Variants in PRRX1 observed in about 807,000 individuals in gnomAD.
PRRX1 encodes paired mesoderm homeobox protein 1.
PRRX1 carries 8 observed loss-of-function variants against 24.0 expected under a neutral mutation model. The observed-to-expected ratio is 0.33, with a 90% CI of 0.20 to 0.60. The LOEUF (loss-of-function observed/expected upper bound fraction) is 0.60, where lower values mean the gene tolerates loss of function less well. Ranked by LOEUF, PRRX1 falls within the 20% of genes least tolerant of loss-of-function variation. The pLI is 0.82. For missense variants in PRRX1, 281 were observed against 322.4 expected (o/e 0.87, Z 0.98); for synonymous variants, 160 against 131.7 (o/e 1.22, Z -1.47).
chr1:170,717,740 G>C (rs1654953551), intron 1 of PRRX1, among the ~76,000 whole-genome samples: 2 of 152,058 alleles, frequency 1.3e-5, no homozygotes, highest in Non-Finnish European at 2.9e-5. Context: ...AGGAATGGGA[G>C]GAATGCTTCC....
intron 1 of PRRX1, among the ~76,000 whole-genome samples, chr1:170,716,539 G>A (rs1426759410): frequency 1.1e-4 from 16 of 150,854 alleles, no homozygotes; most frequent in African/African-American, 1.5e-4. Context: ...AGCCAAGATC[G>A]CGCCACTGCA....
chr1:170,688,935 T>C (rs192840031), intron 1 of PRRX1, among the ~76,000 whole-genome samples: 339 of 152,276 alleles, frequency 2.2e-3, no homozygotes, highest in Non-Finnish European at 3.5e-3. Context: ...TTTTGGTTTT[T>C]AGTTCTGTGA....
rs1655249530 is a variant in PRRX1 at position 170,726,277 on chromosome 1, A to G, written c.475A>G (p.Asn159Asp). Residue 159 changes from asparagine to aspartate, a missense_variant, in exon 3 of 4, where the codon AAT becomes GAT. By Grantham distance (23) the Asn-to-Asp change is conservative. Coordinates refer to ENST00000239461, the MANE Select transcript of PRRX1 (RefSeq NM_022716.4). ...CAGGAATGAGAGAGCCATGCTAGCC[A>G]ATAAAAACGCTTCCCTCCTCAAATC... Reference protein sequence around the residue: ...FRRNERAMLANKNASLLKSYS... With the variant: ...FRRNERAMLADKNASLLKSYS... The G allele has an allele frequency of 2.5e-6, 4 of 1,614,084 alleles. No individual in the cohort carries two copies. The highest frequency in any genetic ancestry group is 2.2e-5 in the East Asian group (1 of 44,874).
chr1:170,691,273 A>G (rs2101898096), intron 1 of PRRX1, among the ~76,000 whole-genome samples: 1 of 152,272 alleles, frequency 6.6e-6, no homozygotes, highest in East Asian at 1.9e-4. Flanking sequence ...TTATTAGCCA[A>G]CCAGAGAGTG....
At chr1:170,670,769 T>C (rs1021151984) in intron 1 of PRRX1, among the ~76,000 whole-genome samples, 6 of 152,046 alleles carry the variant, frequency 3.9e-5, no homozygotes, top group African/African-American at 1.4e-4. Context: ...TGGTGGTTGG[T>C]TAAGGAAATT....
At position 170,738,455 on chromosome 1, in the gene PRRX1, A is replaced by G. The variant is rs948504495; in HGVS notation, c.*2269A>G. 8.8e-6 allele frequency: 2 copies of G among 228,078 alleles called. No homozygotes were observed. The highest frequency in any genetic ancestry group is 4.4e-5 in the African/African-American group (2 of 45,076). 14.1% of individuals were successfully genotyped at this position (228,078 alleles called of 1,614,324 possible). ...TAAAACATTTCTTACTGAATGGTTC[A>G]TGTAGGCTTGCTGAACAGCACGCAT... On this transcript the variant is annotated 3_prime_UTR_variant, in exon 4 of 4. Coordinates refer to ENST00000239461, the MANE Select transcript of PRRX1 (RefSeq NM_022716.4).
At chr1:170,693,458 A>T (rs551890486) in intron 1 of PRRX1, among the ~76,000 whole-genome samples, 10 of 152,148 alleles carry the variant, frequency 6.6e-5, no homozygotes, top group Admixed American at 3.9e-4. Flanking sequence ...AGGATATTTG[A>T]TATGGCAGTA....
intron 2 of PRRX1, among the ~76,000 whole-genome samples, chr1:170,721,919 G>T (rs1655097696): frequency 6.6e-6 from 1 of 151,550 alleles, no homozygotes; most frequent in Admixed American, 6.6e-5. Context: ...TGCCACTTTT[G>T]CTATGGTGAT....
chr1:170,698,608 C>T (rs993123628), intron 1 of PRRX1, among the ~76,000 whole-genome samples: 3 of 152,086 alleles, frequency 2.0e-5, no homozygotes, highest in African/African-American at 4.8e-5. Context: ...GGAGTAACAC[C>T]GTATTATTTC....
In PRRX1 at chr1:170,667,175, A is replaced by G. The variant is rs569911247; in HGVS notation, c.241+2716A>G. Among the ~76,000 whole-genome samples, 5 of 152,266 alleles carry G rather than the reference A, an allele frequency of 3.3e-5. No individual in the cohort carries two copies. The South Asian group carries it at 8.3e-4, about 25-fold the overall frequency. ...AGAAAGGAAACTGAGGCTCAGAAAG[A>G]GGATGCTCTGCGGAAGCATGATCAA... On this transcript the variant is annotated intron_variant, in intron 1 of 3. Transcript: ENST00000239461.
At chr1:170,678,029 G>A (rs1653381560) in intron 1 of PRRX1, among the ~76,000 whole-genome samples, 1 of 152,114 alleles carries the variant, frequency 6.6e-6, no homozygotes, top group South Asian at 2.1e-4. Flanking sequence ...CTCTAACATA[G>A]CACTGCCTTA....
At chr1:170,678,764 T>A (rs182263841) in intron 1 of PRRX1, among the ~76,000 whole-genome samples, 42 of 152,314 alleles carry the variant, frequency 2.8e-4, no homozygotes, top group Non-Finnish European at 1.3e-4. Flanking sequence ...GCAGTTCATG[T>A]CTAATAATTT....
chr1:170,704,523 C>T (rs898674321), intron 1 of PRRX1, among the ~76,000 whole-genome samples: 3 of 152,144 alleles, frequency 2.0e-5, no homozygotes, highest in Non-Finnish European at 4.4e-5. Flanking sequence ...CTGCAGTCAT[C>T]GTATAGGCCT....
intron 1 of PRRX1, among the ~76,000 whole-genome samples, chr1:170,692,007 A>G (rs1653999164): frequency 6.6e-6 from 1 of 152,104 alleles, no homozygotes; most frequent in Non-Finnish European, 1.5e-5. Context: ...TGAGGAATAC[A>G]AAGCTCCCTG....
At chr1:170,698,049 A>T (rs1352021949) in intron 1 of PRRX1, among the ~76,000 whole-genome samples, 1 of 151,904 alleles carries the variant, frequency 6.6e-6, no homozygotes, top group Non-Finnish European at 1.5e-5. Flanking sequence ...TATGAGCCAA[A>T]TCTTATGTAA....
chr1:170,730,164 C>T, intron 3 of PRRX1: 1 of 924,972 alleles, frequency 1.1e-6, no homozygotes. Flanking sequence ...TATCCTTGTC[C>T]ACAGCTTCCC....
rs1654305673 is a variant in PRRX1, at chr1:170,700,144, A to G, written c.242-19582A>G. Among the ~76,000 whole-genome samples, 3 of 152,098 alleles carry G rather than the reference A, an allele frequency of 2.0e-5. No individual in the cohort carries two copies. In the South Asian group the frequency reaches 6.2e-4, roughly 32 times the overall value. On this transcript the variant is annotated intron_variant, in intron 1 of 3. Coordinates refer to ENST00000239461, the MANE Select transcript of PRRX1 (RefSeq NM_022716.4). Reference sequence around the variant, plus strand: ...TGGCCATTTTTTTTAAGCAAATGAAACACCATATTCAATTTTATGCATTTG... The same window carrying G: ...TGGCCATTTTTTTTAAGCAAATGAAGCACCATATTCAATTTTATGCATTTG...
At chr1:170,708,558 A>G (rs942220311) in intron 1 of PRRX1, among the ~76,000 whole-genome samples, 1 of 152,110 alleles carries the variant, frequency 6.6e-6, no homozygotes, top group Admixed American at 6.6e-5. Context: ...ATACAACCTC[A>G]AGCTAAATAT....
intron 1 of PRRX1, among the ~76,000 whole-genome samples, chr1:170,718,742 T>C (rs1654989562): frequency 6.6e-6 from 1 of 152,154 alleles, no homozygotes; most frequent in Admixed American, 6.5e-5. Flanking sequence ...CTTAGGGTGA[T>C]AGTTTGATTG....
Sources: allele counts gnomAD v4.1 joint callset (sites outside exome capture counted in the v4.1 genomes callset), GRCh38; gene constraint gnomAD v4.1.1; transcripts MANE v1.5; gene names NCBI Gene and HGNC (gene_info 2026-07-23, HGNC 2026-07-21).